CIDEA: variants seen among roughly 807,000 people sequenced by gnomAD.
CIDEA encodes lipid transferase CIDEA.
In CIDEA, 10 loss-of-function variants were observed where a neutral mutation model predicts 18.2. The ratio of observed to expected loss-of-function variants is 0.55; its 90% CI spans 0.34 to 0.93. The LOEUF (loss-of-function observed/expected upper bound fraction) is 0.93, where lower values mean the gene tolerates loss of function less well. CIDEA is among the 40% of genes least tolerant of loss of function. CIDEA has a pLI of 0.02. For synonymous variants in CIDEA, 128 were observed against 124.8 expected, an observed-to-expected ratio of 1.03 and a Z score of -0.17; for missense variants, 309 against 293.1, an observed-to-expected ratio of 1.05 and a Z score of -0.40.
In CIDEA at chr18:12,268,183, G is replaced by A. The variant is rs74694621; in HGVS notation, c.330+3730G>A. On this transcript the variant is annotated intron_variant, in intron 3 of 4. Transcript: ENST00000320477. Reference sequence around the variant, plus strand: ...GGCTTCAAGGGATCCTCCTGCCTCAGCCTCCTGAGTAGCTGGGATTACAAG... The same window carrying A: ...GGCTTCAAGGGATCCTCCTGCCTCAACCTCCTGAGTAGCTGGGATTACAAG... Among the ~76,000 whole-genome samples the A allele has an allele frequency of 2.1e-4, 31 of 144,942 alleles. 1 individual carries two copies. The East Asian group carries it at 6.4e-3, about 30-fold the overall frequency.
chr18:12,273,314 G>A (rs373461207), intron 3 of CIDEA, among the ~76,000 whole-genome samples: 1 of 151,858 alleles, frequency 6.6e-6, no homozygotes. Context: ...GTGTAGACCC[G>A]AATCCTGAGT....
In CIDEA at chr18:12,255,883, C is replaced by T. The variant is rs186741206; in HGVS notation, c.38+1462C>T. On this transcript the variant is annotated intron_variant, in intron 1 of 4. Coordinates refer to ENST00000320477, the MANE Select transcript of CIDEA (RefSeq NM_001279.4). ...GCTTATGAGCTGTTGACAAATGAAA[C>T]ATTGGGAAACCTTGAGTCTCCTAGG... is the stretch of plus-strand genomic sequence containing the variant. 4.6e-5 allele frequency among the ~76,000 whole-genome samples: 7 copies of T among 152,340 alleles called. No individual in the cohort carries two copies. The East Asian group carries it at 9.6e-4, about 21-fold the overall frequency.
chr18:12,277,461 G>T lies in CIDEA; in HGVS notation c.*191G>T. 1.6e-6 allele frequency: 1 copy of T among 625,590 alleles called. No individual in the cohort carries two copies. The highest frequency in any genetic ancestry group is 2.7e-6 in the Non-Finnish European group (1 of 372,460). The allele number at this position is 625,590 out of a possible 1,614,324, so 38.8% of individuals were successfully genotyped here. On this transcript the variant is annotated 3_prime_UTR_variant, in exon 5 of 5. Transcript: ENST00000320477. ...GTGGGGGCAGTGGGCAGGGTGCCCT[G>T]GGGGGGAGGCATAGAGGGCCCTGGG...
intron 3 of CIDEA, among the ~76,000 whole-genome samples, chr18:12,272,184 GTTGTT>G (rs1912567916): frequency 7.8e-6 from 1 of 128,148 alleles, no homozygotes; most frequent in East Asian, 2.4e-4. Flanking sequence ...TGTTGTTGTT[GTTGTT>G]GTTGTTGTTT....
chr18:12,270,159 G>C (rs896873948), intron 3 of CIDEA, among the ~76,000 whole-genome samples: 3 of 152,140 alleles, frequency 2.0e-5, no homozygotes, highest in Non-Finnish European at 2.9e-5. Context: ...ATAGAGAAAA[G>C]TAAGGGGAAA....
At chr18:12,267,011 G>A (rs151067262) in intron 3 of CIDEA, among the ~76,000 whole-genome samples, 54 of 152,136 alleles carry the variant, frequency 3.5e-4, no homozygotes, top group Admixed American at 2.0e-3. Flanking sequence ...CACCTGCCTC[G>A]GCCTCCCAAA....
chr18:12,259,520 G>A (rs993729040), intron 1 of CIDEA, among the ~76,000 whole-genome samples: 1 of 152,116 alleles, frequency 6.6e-6, no homozygotes, highest in African/African-American at 2.4e-5. Context: ...CCGTGAAGTG[G>A]GGCAATAGTT....
chr18:12,261,554 C>CCTTTT (rs1194526079), intron 1 of CIDEA, among the ~76,000 whole-genome samples: 2 of 151,888 alleles, frequency 1.3e-5, no homozygotes, highest in East Asian at 1.9e-4. Flanking sequence ...AGGCAGTTTC[C>CCTTTT]CTTTTCTTTT....
At chr18:12,268,559 T>C (rs1199547838) in intron 3 of CIDEA, among the ~76,000 whole-genome samples, 4 of 151,690 alleles carry the variant, frequency 2.6e-5, no homozygotes, top group African/African-American at 9.7e-5. Context: ...GGCTGATTTT[T>C]GTATCTTCTT....
At position 12,264,336 on chromosome 18, in the gene CIDEA, A is replaced by C. The variant is rs142556726; in HGVS notation, c.213A>C (p.Gly71=). ...TGGATGCCCTCGTCATCGCTACCGG[A>C]CTGGTCACTCTGGTGCTGGAGGAAG... ...KTLDALVIAT[G]LVTLVLEEDG... is the part of the protein sequence containing the mutation. Residue 71 remains glycine (G), a synonymous_variant, in exon 3 of 5, where the codon GGA becomes GGC. Coordinates refer to ENST00000320477, the MANE Select transcript of CIDEA (RefSeq NM_001279.4). The C allele has an allele frequency of 3.1e-6, 5 of 1,613,562 alleles. No homozygotes were observed. The South Asian group carries it at 3.3e-5, about 11-fold the overall frequency.
chr18:12,277,204 G>T lies in CIDEA; in HGVS notation c.594G>T (p.Val198=), dbSNP rs148324259. Residue 198 remains valine, a synonymous_variant, in exon 5 of 5, where the codon GTG becomes GTT. Coordinates refer to ENST00000320477, the MANE Select transcript of CIDEA (RefSeq NM_001279.4). ...LIYLGTYMLR[V]LDDKEERPSL... is the part of the protein sequence containing the mutation. ...ATCTGGGCACATACATGCTCCGGGT[G>T]CTGGATGACAAGGAAGAGCGGCCAT... is the stretch of plus-strand genomic sequence containing the variant. The T allele has an allele frequency of 2.5e-6, 4 of 1,614,084 alleles. No homozygotes were observed. The highest frequency in any genetic ancestry group is 3.4e-6 in the Non-Finnish European group (4 of 1,180,058).
intron 3 of CIDEA, among the ~76,000 whole-genome samples, chr18:12,270,137 CAT>C (rs1471971321): frequency 3.9e-5 from 6 of 152,076 alleles, no homozygotes; most frequent in South Asian, 4.1e-4. Flanking sequence ...TTGAGATACA[CAT>C]GTGCTAAAAA....
At position 12,277,190 on chromosome 18, in the gene CIDEA, T is replaced by TA; in HGVS notation, c.581dup (p.Tyr194Ter). Residue 194 changes from tyrosine to a stop codon, truncating the protein, a stop_gained and frameshift_variant, in exon 5 of 5, where the codon TAC becomes TAAC. Transcript: ENST00000320477. LOFTEE classifies it low-confidence loss of function (END_TRUNC). ...TGQFLIYLGT[Y>*]MLRVLDDKEE... ...ACAGTTTCTCATCTATCTGGGCACA[T>TA]ACATGCTCCGGGTGCTGGATGACAA... 1 of 1,614,174 alleles carries TA rather than the reference T, an allele frequency of 6.2e-7. No individual in the cohort carries two copies. The highest frequency in any genetic ancestry group is 8.5e-7 in the Non-Finnish European group (1 of 1,180,026).
At chr18:12,271,339 T>A (rs1598781193) in intron 3 of CIDEA, among the ~76,000 whole-genome samples, 1 of 152,020 alleles carries the variant, frequency 6.6e-6, no homozygotes, top group Admixed American at 6.6e-5. Context: ...GGGAGGCAGG[T>A]GAGCATGAAG....
At chr18:12,271,040 A>T (rs1242870458) in intron 3 of CIDEA, among the ~76,000 whole-genome samples, 2 of 151,434 alleles carry the variant, frequency 1.3e-5, no homozygotes, top group Non-Finnish European at 2.9e-5. Context: ...CTGGGATTAC[A>T]GGCGCCCACC....
chr18:12,264,606 T>G (rs932635031), intron 3 of CIDEA, among the ~76,000 whole-genome samples, 153 bp downstream of exon 3: 1 of 151,354 alleles, frequency 6.6e-6, no homozygotes, highest in South Asian at 2.1e-4. Flanking sequence ...CAGGCTGGAG[T>G]GCAGTGGCGC....
Position 12,262,976 on chromosome 18 carries a change from C to T in CIDEA, c.183+7C>T, listed in dbSNP as rs1414139145. On this transcript the variant is annotated splice_region_variant and intron_variant, in intron 2 of 4. Coordinates refer to ENST00000320477, the MANE Select transcript of CIDEA (RefSeq NM_001279.4). ...GCAGGAGCTCATCAGCAAGGTGCCC[C>T]ACATCCCGCACCTCTCCCCCAGTCC... 6.2e-7 allele frequency: 1 copy of T among 1,613,752 alleles called. No homozygotes were observed. Among genetic ancestry groups the T allele is most frequent in the Non-Finnish European group, 8.5e-7 (1 of 1,179,872 alleles).
At chr18:12,259,774 T>A (rs1256738920) in intron 1 of CIDEA, among the ~76,000 whole-genome samples, 1 of 152,038 alleles carries the variant, frequency 6.6e-6, no homozygotes, top group East Asian at 1.9e-4. Context: ...GGCAGGAGAA[T>A]TGCTTGAACC....
intron 1 of CIDEA, among the ~76,000 whole-genome samples, chr18:12,262,315 C>T (rs1450421113): frequency 6.6e-6 from 1 of 152,090 alleles, no homozygotes; most frequent in Non-Finnish European, 1.5e-5. Context: ...GTTCTTGGTT[C>T]CTCCTAAGTT....
Sources: allele counts gnomAD v4.1 joint callset (sites outside exome capture counted in the v4.1 genomes callset), GRCh38; gene constraint gnomAD v4.1.1; transcripts MANE v1.5; gene names NCBI Gene and HGNC (gene_info 2026-07-23, HGNC 2026-07-21).